The following AGAP4 variants were observed in gnomAD, a reference collection of about 807,000 sequenced individuals.
The protein encoded by AGAP4 is ArfGAP with GTPase domain, ankyrin repeat and PH domain 4.
In AGAP4, 13 loss-of-function variants were observed where a neutral mutation model predicts 60.7. The ratio of observed to expected loss-of-function variants is 0.21; its 90% CI spans 0.14 to 0.34. The LOEUF is 0.34. AGAP4 is among the 10% of genes least tolerant of loss of function. The pLI, the probability that AGAP4 is intolerant of heterozygous loss-of-function variation, is 1.00. For missense variants in AGAP4, 169 were observed against 884.0 expected (o/e 0.19, Z 10.26); for synonymous variants, 70 against 339.0 (o/e 0.21, Z 8.72).
chr10:45,837,772 G>T (rs2058846432), intron 4 of AGAP4, among the ~76,000 whole-genome samples: 1 of 151,218 alleles, frequency 6.6e-6, no homozygotes, highest in Non-Finnish European at 1.5e-5. Flanking sequence ...AGTTCTAGAA[G>T]ATAACATTGG....
At chr10:45,850,556 G>A (rs1206704681), upstream of AGAP4, among the ~76,000 whole-genome samples, 140 of 152,100 alleles carry the variant, frequency 9.2e-4, no homozygotes, top group African/African-American at 3.1e-3. Flanking sequence ...TGTATAATAA[G>A]GACTGAAGGA....
At chr10:45,851,072 T>A (rs1367839311), upstream of AGAP4, among the ~76,000 whole-genome samples, 2 of 151,918 alleles carry the variant, frequency 1.3e-5, no homozygotes, top group African/African-American at 4.8e-5. Context: ...AGGCACCTTG[T>A]ATAAAATAAA....
intron 4 of AGAP4, among the ~76,000 whole-genome samples, chr10:45,835,047 A>T (rs1174764367): frequency 6.8e-6 from 1 of 146,362 alleles, no homozygotes; most frequent in Non-Finnish European, 1.5e-5. Context: ...TACTGGGATT[A>T]CAGGCGTGAG....
At chr10:45,849,220 C>T (rs2059048807), upstream of AGAP4, among the ~76,000 whole-genome samples, 1 of 150,946 alleles carries the variant, frequency 6.6e-6, no homozygotes, top group Non-Finnish European at 1.5e-5. Flanking sequence ...AGCAAGACTC[C>T]ATCCCAAAAA....
At chr10:45,854,004 A>C, upstream of AGAP4, 1 of 590,448 alleles carries the variant, frequency 1.7e-6, no homozygotes, top group Non-Finnish European at 2.4e-6. Context: ...GAGATGAGTG[A>C]CCCCATTTTA....
At chr10:45,840,055 T>G (rs2058892301) in intron 4 of AGAP4, among the ~76,000 whole-genome samples, 1 of 149,400 alleles carries the variant, frequency 6.7e-6, no homozygotes, top group South Asian at 2.1e-4. Context: ...AAAAAAAAAT[T>G]CTCAAGAAGA....
At chr10:45,841,124 A>T in intron 4 of AGAP4, among the ~76,000 whole-genome samples, 1 of 88,862 alleles carries the variant, frequency 1.1e-5, no homozygotes. Context: ...TTTTTTTGAG[A>T]CAGAGTTTTG....
upstream of AGAP4, among the ~76,000 whole-genome samples, chr10:45,851,778 G>T (rs1479517809): frequency 6.6e-6 from 1 of 151,986 alleles, no homozygotes; most frequent in African/African-American, 2.4e-5. Flanking sequence ...ACAGGTGCCT[G>T]CAATCTGGAT....
At position 45,827,316 on chromosome 10, in the gene AGAP4, C is replaced by G; in HGVS notation, c.660G>C (p.Ser220=). 1 of 1,590,478 alleles carries G rather than the reference C, an allele frequency of 6.3e-7. No individual in the cohort carries two copies. The highest frequency in any genetic ancestry group is 8.5e-7 in the Non-Finnish European group (1 of 1,169,798). ...GGTCCTCCTGGCTGGTGCTGGGAGT[C>G]GATGGAATGGAGGAGGAATAGTTAT... ...SLNNYSSSIP[S]TPSTSQEDPQ... is the part of the protein sequence containing the mutation. The change falls in exon 8 of 8, where the codon TCG becomes TCC. Residue 220 remains serine, a synonymous_variant. Transcript: ENST00000616763.
intron 6 of AGAP4, among the ~76,000 whole-genome samples, chr10:45,829,578 G>A (rs1179735888): frequency 1.5e-4 from 23 of 152,256 alleles, no homozygotes; most frequent in African/African-American, 4.3e-4. Context: ...TTAGCCTGGC[G>A]TGGTGCCACA....
At chr10:45,828,436 G>T (rs1321958415) in intron 6 of AGAP4, among the ~76,000 whole-genome samples, 4 of 149,676 alleles carry the variant, frequency 2.7e-5, no homozygotes, top group African/African-American at 9.7e-5. Context: ...ATGTAAATGT[G>T]ATTCAGATTT....
intron 4 of AGAP4, among the ~76,000 whole-genome samples, chr10:45,834,415 C>A (rs1456417313): frequency 1.4e-5 from 2 of 142,012 alleles, no homozygotes; most frequent in African/African-American, 5.8e-5. Flanking sequence ...GTGGCTCACA[C>A]CTGTAATCCT....
At chr10:45,852,743 T>C (rs2059100367) in intron 1 of AGAP4, among the ~76,000 whole-genome samples, 1 of 152,008 alleles carries the variant, frequency 6.6e-6, no homozygotes, top group Non-Finnish European at 1.5e-5. Context: ...GAAAGCTCAG[T>C]TTCAGTAACC....
At chr10:45,844,607 G>A (rs2058971451) in intron 2 of AGAP4, 1 of 482,050 alleles carries the variant, frequency 2.1e-6, no homozygotes, top group Non-Finnish European at 3.6e-6. Context: ...AAAATCACTT[G>A]AACCCAGGTC....
chr10:45,841,159 A>G (rs2058910525), intron 4 of AGAP4, among the ~76,000 whole-genome samples: 1 of 98,256 alleles, frequency 1.0e-5, no homozygotes, highest in Admixed American at 9.1e-5. Flanking sequence ...CTGGAGTGCA[A>G]TGGCGCGATC....
At position 45,826,713 on chromosome 10, in the gene AGAP4, C is replaced by T. The variant is rs1439147461; in HGVS notation, c.1263G>A (p.Trp421Ter). The T allele has an allele frequency of 7.0e-7, 1 of 1,432,402 alleles. No homozygotes were observed. The highest frequency in any genetic ancestry group is 1.8e-5 in the Admixed American group (1 of 56,458). The allele number at this position is 1,432,402 out of a possible 1,614,324, so 88.7% of individuals were successfully genotyped here. A position where few individuals can be genotyped will look rare whatever the true frequency, so the allele number is the denominator to read the frequency against. ...FMIVSATGQT[W>*]HFEATTYEER... ...CCTCATACGTCGTGGCTTCAAAGTG[C>T]CACGTTTGGCCAGTGGCAGACACAA... The change falls in exon 8 of 8, where the codon TGG becomes TGA. Residue 421 changes from tryptophan (W) to a stop codon, truncating the protein, a stop_gained. Coordinates refer to ENST00000616763, the MANE Select transcript of AGAP4 (RefSeq NM_001276343.3). LOFTEE classifies it high-confidence loss of function.
chr10:45,834,401 C>A (rs1370879383), intron 4 of AGAP4, among the ~76,000 whole-genome samples: 1 of 142,320 alleles, frequency 7.0e-6, no homozygotes, highest in Non-Finnish European at 1.5e-5. Context: ...CTTCGCGGGG[C>A]ACGGTGGCTC....
At chr10:45,829,871 G>T (rs1352923188) in intron 6 of AGAP4, among the ~76,000 whole-genome samples, 1 of 150,354 alleles carries the variant, frequency 6.7e-6, no homozygotes, top group East Asian at 1.9e-4. Context: ...AAGAAAGATT[G>T]GTGGTTAAAC....
chr10:45,849,949 T>G (rs2059063132), upstream of AGAP4, among the ~76,000 whole-genome samples: 1 of 150,992 alleles, frequency 6.6e-6, no homozygotes, highest in Non-Finnish European at 1.5e-5. Flanking sequence ...TTATTTTTTT[T>G]GAGACAGAGT....
Sources: gnomAD v4.1 joint callset for allele counts (sites outside exome capture counted in the v4.1 genomes callset) on GRCh38, gnomAD v4.1.1 for gene constraint, MANE v1.5 for transcripts, NCBI Gene and HGNC (gene_info 2026-07-23, HGNC 2026-07-21) for gene names.